HECW2: variants seen among roughly 807,000 people sequenced by gnomAD.
HECW2 encodes HECT, C2 and WW domain containing E3 ubiquitin protein ligase 2.
Under a neutral mutation model 175.2 loss-of-function variants are expected in HECW2, and 61 were observed. The observed-to-expected ratio is 0.35, with a 90% confidence interval of 0.28 to 0.43. The LOEUF is 0.43. HECW2 is among the 20% of genes least tolerant of loss of function. HECW2 has a pLI of 1.00. For missense variants in HECW2, 1,524 were observed against 2,000.5 expected (o/e 0.76, Z 4.54); for synonymous variants, 671 against 731.0 (o/e 0.92, Z 1.32).
intron 1 of HECW2, among the ~76,000 whole-genome samples, chr2:196,532,464 A>G (rs1186417299): frequency 6.6e-6 from 1 of 151,894 alleles, no homozygotes; most frequent in African/African-American, 2.4e-5. Flanking sequence ...AACATCACAT[A>G]CCAGGGCCTG....
chr2:196,292,631 G>A lies in HECW2; in HGVS notation c.2934C>T (p.Asn978=). The part of the protein sequence containing the change: ...QHNRDLVGFL[N]MFANKQLELP... The stretch of plus-strand genomic sequence containing the variant: ...GCTCTAGCTGTTTGTTCGCGAACAT[G>A]TTGAGGAATCCCACAAGGTCGCGGT... Residue 978 remains asparagine (N), a synonymous_variant, in exon 14 of 29, where the codon AAC becomes AAT. Transcript: ENST00000644978. The A allele has an allele frequency of 6.2e-7, 1 of 1,614,208 alleles. No homozygotes were observed. The highest frequency in any genetic ancestry group is 8.5e-7 in the Non-Finnish European group (1 of 1,180,028).
intron 2 of HECW2, among the ~76,000 whole-genome samples, chr2:196,351,455 T>A (rs1693168600): frequency 6.6e-6 from 1 of 152,144 alleles, no homozygotes; most frequent in Non-Finnish European, 1.5e-5. Context: ...ATGTCTATGT[T>A]AAATAACTCC....
intron 1 of HECW2, among the ~76,000 whole-genome samples, chr2:196,487,600 AG>A (rs1687052658): frequency 6.6e-6 from 1 of 152,206 alleles, no homozygotes; most frequent in Non-Finnish European, 1.5e-5. Flanking sequence ...CACCAGCAGA[AG>A]GGGTGCCTCG....
At chr2:196,235,633 G>T (rs1688217588) in intron 21 of HECW2, among the ~76,000 whole-genome samples, 1 of 149,708 alleles carries the variant, frequency 6.7e-6, no homozygotes, top group Non-Finnish European at 1.5e-5. Flanking sequence ...TTGGAGCACA[G>T]GTAGATGCAT....
chr2:196,506,488 T>A (rs1455007207), intron 1 of HECW2, among the ~76,000 whole-genome samples: 1 of 152,106 alleles, frequency 6.6e-6, no homozygotes, highest in East Asian at 1.9e-4. Context: ...AGACCTGGTA[T>A]ACACAGGGTT....
intron 4 of HECW2, among the ~76,000 whole-genome samples, chr2:196,330,266 A>G (rs1389885774): frequency 6.6e-6 from 1 of 152,254 alleles, no homozygotes; most frequent in African/African-American, 2.4e-5. Context: ...ACAAGAAGCC[A>G]GTAATTTATA....
At chr2:196,415,445 G>A (rs963909207) in intron 2 of HECW2, among the ~76,000 whole-genome samples, 1 of 152,194 alleles carries the variant, frequency 6.6e-6, no homozygotes, top group East Asian at 1.9e-4. Flanking sequence ...GATCCTGGGA[G>A]CTTTAGACAG....
At chr2:196,513,993 G>C (rs1688053288) in intron 1 of HECW2, among the ~76,000 whole-genome samples, 1 of 152,176 alleles carries the variant, frequency 6.6e-6, no homozygotes, top group Non-Finnish European at 1.5e-5. Context: ...GAGCCAGTGG[G>C]AGCCAGCAAC....
At chr2:196,307,813 A>G in intron 11 of HECW2, 122 bp downstream of exon 11, 2 of 914,364 alleles carry the variant, frequency 2.2e-6, no homozygotes, top group Non-Finnish European at 3.1e-6. Context: ...AAGCGGTAAC[A>G]GCTACACTTT....
At chr2:196,402,858 G>A (rs1169261337) in intron 2 of HECW2, among the ~76,000 whole-genome samples, 1 of 144,908 alleles carries the variant, frequency 6.9e-6, no homozygotes, top group Non-Finnish European at 1.5e-5. Flanking sequence ...CCAGGCTGGA[G>A]TGCAGTGGCA....
intron 6 of HECW2, 25 bp downstream of exon 6, chr2:196,324,955 A>T: frequency 6.5e-7 from 1 of 1,529,460 alleles, no homozygotes; most frequent in Non-Finnish European, 8.8e-7. Flanking sequence ...ACCATCAAGT[A>T]GGAGACCCCC....
intron 22 of HECW2, among the ~76,000 whole-genome samples, chr2:196,226,823 C>T (rs979937815): frequency 6.6e-6 from 1 of 152,178 alleles, no homozygotes; most frequent in African/African-American, 2.4e-5. Context: ...TGCACATGGA[C>T]ATTTGGGGGA....
chr2:196,400,782 C>T (rs553157647), intron 2 of HECW2, among the ~76,000 whole-genome samples: 3 of 151,738 alleles, frequency 2.0e-5, no homozygotes, highest in Admixed American at 2.0e-4. Context: ...TTTGCCCTCT[C>T]CTCTCTCTGA....
At chr2:196,307,479 TAAAGAA>T in intron 11 of HECW2, among the ~76,000 whole-genome samples, 1 of 151,952 alleles carries the variant, frequency 6.6e-6, no homozygotes. Flanking sequence ...GGCCCTTAAC[TAAAGAA>T]AAGTAAATTC....
At chr2:196,591,314 C>T (rs1473477737) in intron 1 of HECW2, among the ~76,000 whole-genome samples, 1 of 152,096 alleles carries the variant, frequency 6.6e-6, no homozygotes. Context: ...AAACTGGATT[C>T]AAACTAATGA....
chr2:196,436,251 A>G lies in HECW2; in HGVS notation c.-35-2793T>C, dbSNP rs542021764. Among the ~76,000 whole-genome samples, 7 of 152,232 alleles carry G rather than the reference A, an allele frequency of 4.6e-5. No individual in the cohort carries two copies. The South Asian group carries it at 1.5e-3, about 32-fold the overall frequency. On this transcript the variant is annotated intron_variant, in intron 1 of 28. Coordinates refer to ENST00000644978, the MANE Select transcript of HECW2 (RefSeq NM_001348768.2). ...CCATCTCTACTACAAAATAGAAAAA[A>G]TTAGCCAGGCGTGGTGGCGGGTGCC...
rs1373907009 is a variant in HECW2, at chr2:196,195,910, G to A, written c.*5367C>T. ...AAATTACTGAAGTTATAAAATGAGGGTATTTCCCATCTAGTAGATCAAACT... is the reference window on the plus strand; with the variant it reads ...AAATTACTGAAGTTATAAAATGAGGATATTTCCCATCTAGTAGATCAAACT... On this transcript the variant is annotated 3_prime_UTR_variant, in exon 29 of 29. Coordinates refer to ENST00000644978, the MANE Select transcript of HECW2 (RefSeq NM_001348768.2). 6.6e-6 allele frequency: 1 copy of A among 152,122 alleles called. No homozygotes were observed. The highest frequency in any genetic ancestry group is 1.5e-5 in the Non-Finnish European group (1 of 68,020). The allele number at this position is 152,122 out of a possible 1,614,324, so 9.4% of individuals were successfully genotyped here. A position where few individuals can be genotyped will look rare whatever the true frequency, so the allele number is the denominator to read the frequency against.
At chr2:196,284,527 C>A (rs978812178) in intron 14 of HECW2, among the ~76,000 whole-genome samples, 1 of 152,160 alleles carries the variant, frequency 6.6e-6, no homozygotes. Flanking sequence ...GGACAGGTTT[C>A]CTTAGTGCTT....
At chr2:196,376,578 C>T (rs1694057150) in intron 2 of HECW2, among the ~76,000 whole-genome samples, 1 of 149,292 alleles carries the variant, frequency 6.7e-6, no homozygotes, top group South Asian at 2.1e-4. Flanking sequence ...TTGCAGTGAG[C>T]CAACATCACG....
Sources: allele counts gnomAD v4.1 joint callset (sites outside exome capture counted in the v4.1 genomes callset), GRCh38; gene constraint gnomAD v4.1.1; transcripts MANE v1.5; gene names NCBI Gene and HGNC (gene_info 2026-07-23, HGNC 2026-07-21).